The following NTM variants were observed in gnomAD, a reference collection of about 807,000 sequenced individuals.
NTM encodes IgLON family member 2.
A neutral mutation model predicts 42.1 loss-of-function variants in NTM; 13 were observed. The observed-to-expected ratio is 0.31, with a 90% CI of 0.20 to 0.49. NTM has a LOEUF of 0.49. Among genes scored for constraint, NTM ranks in the 20% least tolerant of loss-of-function variants. The probability of loss-of-function intolerance (pLI) is 0.99; values close to 1 mark genes in which losing one functional copy is unlikely to be tolerated. For synonymous variants in NTM, 187 were observed against 179.2 expected (o/e 1.04, Z -0.35); for missense variants, 373 against 452.8 (o/e 0.82, Z 1.60).
At chr11:131,947,482 G>A (rs1419239888) in intron 2 of NTM, among the ~76,000 whole-genome samples, 2 of 152,148 alleles carry the variant, frequency 1.3e-5, no homozygotes, top group Non-Finnish European at 2.9e-5. Flanking sequence ...AGCACCTACA[G>A]AGAACCAGGC....
intron 3 of NTM, among the ~76,000 whole-genome samples, chr11:132,203,691 A>G (rs1255097491): frequency 6.6e-6 from 1 of 152,164 alleles, no homozygotes; most frequent in Non-Finnish European, 1.5e-5. Flanking sequence ...GGAGATCGAG[A>G]CCATCCTGGC....
chr11:131,387,638 C>T (rs1470024836), intron 1 of NTM, among the ~76,000 whole-genome samples: 1 of 152,174 alleles, frequency 6.6e-6, no homozygotes, highest in Non-Finnish European at 1.5e-5. Flanking sequence ...ATGTTTCTCC[C>T]ACGTAGGACC....
At chr11:131,395,773 G>A (rs1944486534) in intron 1 of NTM, among the ~76,000 whole-genome samples, 1 of 152,216 alleles carries the variant, frequency 6.6e-6, no homozygotes, top group African/African-American at 2.4e-5. Context: ...GGTTGATGAA[G>A]TCTGGCTGAT....
Position 131,370,628 on chromosome 11 carries a change from A to T in NTM, c.-179A>T. ...TGTCTCAGTGCCAGAGTATGAGTGG[A>T]GATAATTACGGAGAAGTCATACTCT... is the stretch of plus-strand genomic sequence containing the variant. On this transcript the variant is annotated 5_prime_UTR_variant, in exon 1 of 9. Coordinates refer to ENST00000683400, the MANE Select transcript of NTM (RefSeq NM_001352005.2). 2 of 603,976 alleles carry T rather than the reference A, an allele frequency of 3.3e-6. No homozygotes were observed. The allele number at this position is 603,976 out of a possible 1,614,324, so 37.4% of individuals were successfully genotyped here.
chr11:131,806,244 G>A (rs1169946822), intron 1 of NTM, among the ~76,000 whole-genome samples: 1 of 152,166 alleles, frequency 6.6e-6, no homozygotes. Flanking sequence ...GGGGCAAGTT[G>A]TAAAGAATTG....
At chr11:131,606,097 G>T (rs1026794117) in intron 1 of NTM, among the ~76,000 whole-genome samples, 7 of 152,134 alleles carry the variant, frequency 4.6e-5, no homozygotes. Context: ...AGGCTGGAGT[G>T]CAGTGGTGCC....
In NTM at chr11:131,874,030, A is replaced by AT. The variant is rs1555162935; in HGVS notation, c.83-37534_83-37533insT. On this transcript the variant is annotated intron_variant, in intron 1 of 8. Coordinates refer to ENST00000683400, the MANE Select transcript of NTM (RefSeq NM_001352005.2). ...ATAATATATTTATATAATATAATATAATATATATATATATATATATATATA... is the reference window on the plus strand; with the variant it reads ...ATAATATATTTATATAATATAATATATATATATATATATATATATATATATA... 7.7e-4 allele frequency among the ~76,000 whole-genome samples: 59 copies of AT among 76,636 alleles called. 3 individuals carry two copies. The highest frequency in any genetic ancestry group is 2.2e-3 in the South Asian group (6 of 2,670). The allele number at this position is 76,636 out of a possible 152,430, so 50.3% of individuals were successfully genotyped here. A position where few individuals can be genotyped will look rare whatever the true frequency, so the allele number is the denominator to read the frequency against.
chr11:131,469,656 T>C (rs1429906407), intron 1 of NTM, among the ~76,000 whole-genome samples: 1 of 152,166 alleles, frequency 6.6e-6, no homozygotes. Flanking sequence ...TAGGACAAGA[T>C]TGCCTGGGGC....
chr11:131,459,398 T>A (rs1462583107), intron 1 of NTM, among the ~76,000 whole-genome samples: 8 of 152,220 alleles, frequency 5.3e-5, no homozygotes. Flanking sequence ...ATCTATAGGA[T>A]TGATGAGAAT....
intron 7 of NTM, among the ~76,000 whole-genome samples, chr11:132,328,745 T>G (rs776535590): frequency 2.6e-5 from 4 of 152,226 alleles, no homozygotes; most frequent in Middle Eastern, 3.4e-3. Flanking sequence ...CAGTTATCTT[T>G]TTTTCTTGGC....
At chr11:132,327,262 T>A (rs565239296) in intron 7 of NTM, among the ~76,000 whole-genome samples, 45 of 152,352 alleles carry the variant, frequency 3.0e-4, no homozygotes, top group African/African-American at 1.1e-3. Flanking sequence ...CTTTGTCTTT[T>A]ATCTCCTGGG....
At chr11:131,617,293 G>A (rs1244960292) in intron 1 of NTM, among the ~76,000 whole-genome samples, 1 of 152,092 alleles carries the variant, frequency 6.6e-6, no homozygotes, top group Non-Finnish European at 1.5e-5. Context: ...ATGTCACAGG[G>A]AAACTGAGTA....
At chr11:131,910,488 G>GCCGGGATGAGA (rs2054602541) in intron 1 of NTM, among the ~76,000 whole-genome samples, 1 of 146,082 alleles carries the variant, frequency 6.8e-6, no homozygotes, top group Non-Finnish European at 1.5e-5. Context: ...GCGCCCTCCC[G>GCCGGGATGAGA]CCGGGATGAG....
intron 2 of NTM, among the ~76,000 whole-genome samples, chr11:131,928,799 C>T (rs1343561640): frequency 1.3e-5 from 2 of 152,194 alleles, no homozygotes; most frequent in Non-Finnish European, 2.9e-5. Flanking sequence ...ACTCTGAACT[C>T]ACCATTCCCC....
chr11:132,284,315 C>A (rs950118116), intron 4 of NTM: 5 of 152,338 alleles, frequency 3.3e-5, no homozygotes, highest in African/African-American at 1.2e-4. Flanking sequence ...AAACAGTCGG[C>A]CTGGTTGATT....
In NTM at chr11:131,743,232, G is replaced by GT. The variant is rs1179655978; in HGVS notation, c.83-168320dup. Among the ~76,000 whole-genome samples, 424 of 140,958 alleles carry GT rather than the reference G, an allele frequency of 3.0e-3. 1 individual carries two copies. The highest frequency in any genetic ancestry group is 7.3e-3 in the South Asian group (32 of 4,378). 92.5% of individuals were successfully genotyped at this position (140,958 alleles called of 152,430 possible). On this transcript the variant is annotated intron_variant, in intron 1 of 8. Transcript: ENST00000683400. ...TGCATTTCACTGGTTATTGTTAATG[G>GT]TTTTTTTTTTTTCAAATTTTAGAGA...
rs551895418 is a variant in NTM at position 132,107,659 on chromosome 11, T to TG, written c.168-38622dup. 1.8e-4 allele frequency among the ~76,000 whole-genome samples: 27 copies of TG among 152,258 alleles called. No individual in the cohort carries two copies. In the East Asian group the frequency reaches 5.2e-3, roughly 29 times the overall value. On this transcript the variant is annotated intron_variant, in intron 2 of 8. Transcript: ENST00000683400. ...TGCTCAGATTACTGACATGAGCCACTGTGCCTGACTTTTACTTTTTTTGAA... is the reference window on the plus strand; with the variant it reads ...TGCTCAGATTACTGACATGAGCCACTGGTGCCTGACTTTTACTTTTTTTGAA...
chr11:131,822,375 AC>A (rs2093225465), intron 1 of NTM, among the ~76,000 whole-genome samples: 2 of 152,214 alleles, frequency 1.3e-5, no homozygotes, highest in South Asian at 4.1e-4. Flanking sequence ...ATTGTTAAAA[AC>A]AACAATGTTT....
intron 1 of NTM, chr11:131,535,698 A>G (rs1022683191): frequency 6.6e-6 from 1 of 152,322 alleles, no homozygotes. Context: ...CCCTTGGAAC[A>G]GTTATCACAG....
Sources: gnomAD v4.1 joint callset for allele counts (sites outside exome capture counted in the v4.1 genomes callset) on GRCh38, gnomAD v4.1.1 for gene constraint, MANE v1.5 for transcripts, NCBI Gene and HGNC (gene_info 2026-07-23, HGNC 2026-07-21) for gene names.